ARHGAP10: variants seen among roughly 807,000 people sequenced by gnomAD.
ARHGAP10 encodes rho GTPase-activating protein 10.
A neutral mutation model predicts 108.6 loss-of-function variants in ARHGAP10; 87 were observed. The observed-to-expected ratio is 0.80, with a 90% confidence interval of 0.67 to 0.96. ARHGAP10 has a LOEUF of 0.96. Ranked by LOEUF, ARHGAP10 falls within the 40% of genes least tolerant of loss-of-function variation. The pLI is 0.00. For synonymous variants in ARHGAP10, 347 were observed against 341.1 expected, an observed-to-expected ratio of 1.02 and a Z score of -0.19; for missense variants, 939 against 954.5, an observed-to-expected ratio of 0.98 and a Z score of 0.21.
intron 7 of ARHGAP10, among the ~76,000 whole-genome samples, chr4:147,872,099 CAAAAAAAA>C (rs36205660): frequency 2.3e-4 from 16 of 70,032 alleles, no homozygotes; most frequent in Non-Finnish European, 1.8e-4. Flanking sequence ...GAGACTCGGT[CAAAAAAAA>C]AAAAAAAAAA....
chr4:148,043,129 A>C (rs1342911442), intron 19 of ARHGAP10, among the ~76,000 whole-genome samples: 2 of 152,188 alleles, frequency 1.3e-5, no homozygotes. Context: ...TGCAAAATTG[A>C]TGGCTGCAGA....
intron 1 of ARHGAP10, among the ~76,000 whole-genome samples, chr4:147,750,682 A>C (rs908502930): frequency 6.6e-6 from 1 of 151,126 alleles, no homozygotes; most frequent in Non-Finnish European, 1.5e-5. Flanking sequence ...GCTCACTGCA[A>C]CCTCCGCCTC....
Position 147,822,794 on chromosome 4 carries a change from T to C in ARHGAP10, c.222T>C (p.Asp74=). The C allele has an allele frequency of 6.2e-7, 1 of 1,614,270 alleles. No homozygotes were observed. The change falls in exon 2 of 23, where the codon GAT becomes GAC. Residue 74 remains aspartate, a synonymous_variant. Coordinates refer to ENST00000336498, the MANE Select transcript of ARHGAP10 (RefSeq NM_024605.4). The stretch of plus-strand genomic sequence containing the variant: ...ACTTTAAGTTTGAGTTTATCGGTGA[T>C]GCTGTGACAGATGATGAACGATGCA... ...LRDFKFEFIG[D]AVTDDERCID...
intron 1 of ARHGAP10, among the ~76,000 whole-genome samples, chr4:147,800,681 T>C (rs1186586978): frequency 6.6e-6 from 1 of 152,188 alleles, no homozygotes; most frequent in Admixed American, 6.5e-5. Flanking sequence ...CTGGTTTGTT[T>C]TCTTCTTACC....
intron 9 of ARHGAP10, among the ~76,000 whole-genome samples, chr4:147,880,418 G>A (rs547204822): frequency 1.3e-5 from 2 of 152,342 alleles, no homozygotes; most frequent in East Asian, 3.9e-4. Flanking sequence ...GGAGAAGGAA[G>A]TGAGGAGATG....
chr4:147,789,830 C>T (rs1731047322), intron 1 of ARHGAP10, among the ~76,000 whole-genome samples: 1 of 152,006 alleles, frequency 6.6e-6, no homozygotes, highest in Non-Finnish European at 1.5e-5. Context: ...CATTAAAAAT[C>T]AGAGCATTCC....
At chr4:147,752,680 G>A (rs564339944) in intron 1 of ARHGAP10, among the ~76,000 whole-genome samples, 117 of 152,082 alleles carry the variant, frequency 7.7e-4, no homozygotes, top group African/African-American at 2.7e-3. Context: ...GGTGTGCGCC[G>A]CCATGCCTGG....
intron 18 of ARHGAP10, among the ~76,000 whole-genome samples, chr4:147,980,247 A>G (rs1739761121): frequency 6.6e-6 from 1 of 152,132 alleles, no homozygotes; most frequent in Admixed American, 6.5e-5. Flanking sequence ...TTTATCATAA[A>G]GACATATTGG....
At chr4:148,020,154 A>G (rs145736750) in intron 18 of ARHGAP10, among the ~76,000 whole-genome samples, 4 of 152,230 alleles carry the variant, frequency 2.6e-5, no homozygotes, top group Non-Finnish European at 4.4e-5. Context: ...TATTCAGCCT[A>G]TACAACATAG....
At chr4:147,918,428 C>T (rs879848920) in intron 13 of ARHGAP10, among the ~76,000 whole-genome samples, 2 of 152,204 alleles carry the variant, frequency 1.3e-5, no homozygotes, top group Non-Finnish European at 2.9e-5. Flanking sequence ...AGCCACTGCA[C>T]CCAGCCCTCA....
At chr4:148,037,487 C>T (rs896895508) in intron 19 of ARHGAP10, among the ~76,000 whole-genome samples, 2 of 152,146 alleles carry the variant, frequency 1.3e-5, no homozygotes, top group Admixed American at 1.3e-4. Flanking sequence ...GTATGTACCA[C>T]ATTTGAGGAA....
chr4:148,027,485 T>A (rs1179401738), intron 19 of ARHGAP10, among the ~76,000 whole-genome samples: 1 of 152,174 alleles, frequency 6.6e-6, no homozygotes, highest in Non-Finnish European at 1.5e-5. Flanking sequence ...GTAGATACCG[T>A]GATGAGGATA....
chr4:147,771,565 T>G, intron 1 of ARHGAP10, among the ~76,000 whole-genome samples: 1 of 152,192 alleles, frequency 6.6e-6, no homozygotes, highest in East Asian at 1.9e-4. Flanking sequence ...TTGTACCCAT[T>G]CAAGTGTTGT....
chr4:147,968,868 C>G lies in ARHGAP10; in HGVS notation c.1716+2029C>G, dbSNP rs115125587. 1.5e-3 allele frequency among the ~76,000 whole-genome samples: 224 copies of G among 152,240 alleles called. 1 individual carries two copies. Among genetic ancestry groups the G allele is most frequent in the African/African-American group, 4.9e-3 (204 of 41,546 alleles). On this transcript the variant is annotated intron_variant, in intron 18 of 22. Coordinates refer to ENST00000336498, the MANE Select transcript of ARHGAP10 (RefSeq NM_024605.4). ...GGATGTGCAGATGAATATTCCAGCT[C>G]CTGTGGGAAAGCAGGTCGTCATCTG...
intron 13 of ARHGAP10, among the ~76,000 whole-genome samples, chr4:147,927,937 T>C (rs1276230376): frequency 6.6e-6 from 1 of 152,226 alleles, no homozygotes; most frequent in Non-Finnish European, 1.5e-5. Flanking sequence ...TCCCTGTTAC[T>C]CCGTCGCTTT....
At chr4:147,866,913 G>C in intron 7 of ARHGAP10, 97 bp downstream of exon 7, 6 of 1,060,516 alleles carry the variant, frequency 5.7e-6, no homozygotes, top group Non-Finnish European at 5.6e-6. Context: ...AGACAATGCT[G>C]ATCTGTTTGT....
At chr4:148,001,696 A>T (rs371954052) in intron 18 of ARHGAP10, among the ~76,000 whole-genome samples, 6,720 of 151,928 alleles carry the variant, frequency 0.044, 191 homozygotes, top group Middle Eastern at 0.058. Flanking sequence ...GAGTTCACTC[A>T]TGATTTGGCT....
At chr4:147,808,309 AG>A (rs1731868129) in intron 1 of ARHGAP10, among the ~76,000 whole-genome samples, 1 of 152,000 alleles carries the variant, frequency 6.6e-6, no homozygotes, top group Non-Finnish European at 1.5e-5. Flanking sequence ...ACTGCAAGGA[AG>A]GAAAAAACTT....
intron 18 of ARHGAP10, among the ~76,000 whole-genome samples, chr4:148,006,054 G>A (rs1740934672): frequency 6.6e-6 from 1 of 152,146 alleles, no homozygotes; most frequent in Non-Finnish European, 1.5e-5. Flanking sequence ...AGACTGTTTT[G>A]ATCATTATAC....
Sources: gnomAD v4.1 joint callset for allele counts (sites outside exome capture counted in the v4.1 genomes callset) on GRCh38, gnomAD v4.1.1 for gene constraint, MANE v1.5 for transcripts, NCBI Gene and HGNC (gene_info 2026-07-23, HGNC 2026-07-21) for gene names.